Variants in RBM20 observed in about 807,000 individuals in gnomAD.
RBM20 encodes the protein RNA binding motif protein 20.
A neutral mutation model predicts 110.1 loss-of-function variants in RBM20; 51 were observed. That is an observed-to-expected ratio of 0.46 (90% CI 0.37 to 0.59). The LOEUF is 0.59. Ranked by LOEUF, RBM20 falls within the 20% of genes least tolerant of loss-of-function variation. The pLI is 0.00. For synonymous variants in RBM20, 589 were observed against 618.2 expected (o/e 0.95, Z 0.70); for missense variants, 1,512 against 1,574.9 (o/e 0.96, Z 0.68).
intron 1 of RBM20, among the ~76,000 whole-genome samples, chr10:110,695,230 C>T (rs1319141218): frequency 6.6e-6 from 1 of 152,166 alleles, no homozygotes; most frequent in Non-Finnish European, 1.5e-5. Flanking sequence ...GACTGGAAGC[C>T]AAGGATTGGA....
chr10:110,838,013 G>C lies in RBM20; in HGVS notation c.*2035G>C, dbSNP rs927397935. 3 of 152,224 alleles carry C rather than the reference G, an allele frequency of 2.0e-5. No individual in the cohort carries two copies. Among genetic ancestry groups the C allele is most frequent in the African/African-American group, 7.2e-5 (3 of 41,440 alleles). The allele number at this position is 152,224 out of a possible 1,614,324, so 9.4% of individuals were successfully genotyped here. Reference sequence around the variant, plus strand: ...CTTCCAGGAAATCAGGAGAGAGAGAGAGAGAAAGAATAGCCAAATCCCCAA... The same window carrying C: ...CTTCCAGGAAATCAGGAGAGAGAGACAGAGAAAGAATAGCCAAATCCCCAA... On this transcript the variant is annotated 3_prime_UTR_variant, in exon 14 of 14. Transcript: ENST00000369519.
chr10:110,757,511 G>A (rs768426048), intron 1 of RBM20, among the ~76,000 whole-genome samples: 3 of 152,158 alleles, frequency 2.0e-5, no homozygotes, highest in East Asian at 1.9e-4. Flanking sequence ...CAGAATATGC[G>A]AAGTATTAGG....
rs1844342024 is a variant in RBM20, at chr10:110,781,306, A to G, written c.697A>G (p.Lys233Glu). The change falls in exon 2 of 14, where the codon AAA (lysine) becomes GAA (glutamate). Residue 233 changes from lysine (K) to glutamate (E), a missense_variant. Transcript: ENST00000369519. ...TACAGCAGGATTCTATGAGTATGGC[A>G]AAGCCAGCTCTGGCCAGACATATGG... ...PATAGFYEYG[K>E]ASSGQTYGPE... 6.4e-7 allele frequency: 1 copy of G among 1,551,584 alleles called. No individual in the cohort carries two copies. The highest frequency in any genetic ancestry group is 8.7e-7 in the Non-Finnish European group (1 of 1,147,014).
Position 110,830,136 on chromosome 10 carries a change from T to C in RBM20, c.3452-925T>C, listed in dbSNP as rs570100296. 2.0e-5 allele frequency among the ~76,000 whole-genome samples: 3 copies of C among 152,344 alleles called. No homozygotes were observed. The South Asian group carries it at 6.2e-4, about 32-fold the overall frequency. ...ACTCTCCCCGGGTCACATGGGTTCTTAGCATCTGGCCTGGACCCTCTCAGA... is the reference window on the plus strand; with the variant it reads ...ACTCTCCCCGGGTCACATGGGTTCTCAGCATCTGGCCTGGACCCTCTCAGA... On this transcript the variant is annotated intron_variant, in intron 12 of 13. Coordinates refer to ENST00000369519, the MANE Select transcript of RBM20 (RefSeq NM_001134363.3).
rs763189178 is a variant in RBM20, at chr10:110,821,462, G to A, written c.2843G>A (p.Cys948Tyr). Residue 948 changes from cysteine to tyrosine, a missense_variant, in exon 11 of 14, where the codon TGT becomes TAT. By Grantham distance (194) the Cys-to-Tyr change is radical (BLOSUM62 -2). Around this residue, in one of 3 missense-constraint regions of RBM20, gnomAD observed 358 missense variants for 384.2 expected, o/e 0.93. Transcript: ENST00000369519. The stretch of plus-strand genomic sequence containing the variant: ...AAAATTTGCCCAGAAACATGTCTGT[G>A]TGTGACAACCACCTTAGACTTAGAC... ...KDKICPETCL[C>Y]VTTTLDLDLA... 31 of 1,551,746 alleles carry A rather than the reference G, an allele frequency of 2.0e-5. No individual in the cohort carries two copies. In the South Asian group the frequency reaches 3.6e-4, roughly 18 times the overall value.
Position 110,710,361 on chromosome 10 carries a change from C to A in RBM20, c.191+65716C>A, listed in dbSNP as rs142797511. On this transcript the variant is annotated intron_variant, in intron 1 of 13. Coordinates refer to ENST00000369519, the MANE Select transcript of RBM20 (RefSeq NM_001134363.3). ...TTCTGTAGCATATACTGTGTGCTCG[C>A]ACTTGCCTGAGCACTTCCCATGTGA... 2.3e-3 allele frequency among the ~76,000 whole-genome samples: 351 copies of A among 152,340 alleles called. 3 individuals are homozygous for A. The highest frequency in any genetic ancestry group is 8.2e-3 in the African/African-American group (339 of 41,580).
At chr10:110,651,202 A>G (rs1013511776) in intron 1 of RBM20, among the ~76,000 whole-genome samples, 3 of 152,234 alleles carry the variant, frequency 2.0e-5, no homozygotes, top group African/African-American at 7.2e-5. Flanking sequence ...TACTTCCTCC[A>G]TCACCTGATA....
intron 1 of RBM20, among the ~76,000 whole-genome samples, chr10:110,721,359 T>C (rs575853130): frequency 1.4e-4 from 21 of 152,212 alleles, no homozygotes; most frequent in Non-Finnish European, 3.1e-4. Context: ...CTCTTTCTAA[T>C]GAGGGCCCAG....
chr10:110,810,489 G>C (rs753010892), intron 8 of RBM20, 27 bp downstream of exon 8: 1 of 1,514,400 alleles, frequency 6.6e-7, no homozygotes, highest in South Asian at 1.2e-5. Flanking sequence ...CAAGTCTCCA[G>C]GCAGGTTCTG....
chr10:110,824,762 G>T (rs997415290), intron 12 of RBM20, among the ~76,000 whole-genome samples: 8 of 152,148 alleles, frequency 5.3e-5, no homozygotes, highest in African/African-American at 1.9e-4. Context: ...CCTCGCATTA[G>T]CTCTGAAAGG....
chr10:110,689,940 A>T (rs1862563465), intron 1 of RBM20, among the ~76,000 whole-genome samples: 1 of 152,230 alleles, frequency 6.6e-6, no homozygotes. Flanking sequence ...AGATATCTTA[A>T]TTTTAAGTGC....
intron 1 of RBM20, among the ~76,000 whole-genome samples, chr10:110,645,538 C>T (rs1347962558): frequency 1.3e-5 from 2 of 152,176 alleles, no homozygotes; most frequent in South Asian, 2.1e-4. Context: ...AATAAATACA[C>T]GCAAGTACAG....
chr10:110,751,792 TA>T (rs575060805), intron 1 of RBM20, among the ~76,000 whole-genome samples: 471 of 152,014 alleles, frequency 3.1e-3, no homozygotes, highest in Non-Finnish European at 5.2e-3. Context: ...AAATAGAAAT[TA>T]AAAAAAACTC....
At chr10:110,685,752 T>G (rs1374462821) in intron 1 of RBM20, among the ~76,000 whole-genome samples, 1 of 149,472 alleles carries the variant, frequency 6.7e-6, no homozygotes, top group East Asian at 2.0e-4. Flanking sequence ...GGCGGGAGGG[T>G]CGGGAGGTGG....
chr10:110,683,555 G>A (rs1354535010), intron 1 of RBM20, among the ~76,000 whole-genome samples: 1 of 152,168 alleles, frequency 6.6e-6, no homozygotes, highest in African/African-American at 2.4e-5. Flanking sequence ...TGTTGGGGAA[G>A]GTTATTTAAG....
chr10:110,698,406 A>G (rs1419697450), intron 1 of RBM20, among the ~76,000 whole-genome samples: 2 of 152,218 alleles, frequency 1.3e-5, no homozygotes, highest in Non-Finnish European at 2.9e-5. Flanking sequence ...GAAGGAGAGC[A>G]CCAGGAGTTG....
intron 13 of RBM20, among the ~76,000 whole-genome samples, chr10:110,832,838 G>A (rs1369038316): frequency 6.6e-5 from 10 of 152,188 alleles, no homozygotes; most frequent in African/African-American, 2.4e-4. Flanking sequence ...CTGTGACTGA[G>A]GCAGCCACAG....
At chr10:110,712,974 G>A (rs1337792439) in intron 1 of RBM20, among the ~76,000 whole-genome samples, 3 of 152,152 alleles carry the variant, frequency 2.0e-5, no homozygotes, top group Admixed American at 6.5e-5. Flanking sequence ...TAACTTTGGC[G>A]TCCATATTTG....
intron 1 of RBM20, among the ~76,000 whole-genome samples, chr10:110,689,567 A>G (rs1183834737): frequency 6.6e-6 from 1 of 152,200 alleles, no homozygotes; most frequent in Admixed American, 6.5e-5. Context: ...TCCATCATGT[A>G]TAACTATTTT....
Sources: allele counts gnomAD v4.1 joint callset (sites outside exome capture counted in the v4.1 genomes callset), GRCh38; gene constraint gnomAD v4.1.1; regional missense constraint gnomAD v4.1.1; transcripts MANE v1.5; gene names NCBI Gene and HGNC (gene_info 2026-07-23, HGNC 2026-07-21).